Variants in GRID2 observed in about 807,000 individuals in gnomAD.
The protein encoded by GRID2 is glutamate receptor ionotropic, delta-2.
Under a neutral mutation model 114.8 loss-of-function variants are expected in GRID2, and 33 were observed. The observed-to-expected ratio is 0.29, with a 90% CI of 0.22 to 0.38. GRID2 has a LOEUF of 0.38. Among genes scored for constraint, GRID2 ranks in the 10% least tolerant of loss-of-function variants. The probability of loss-of-function intolerance (pLI) is 1.00; values close to 1 mark genes in which losing one functional copy is unlikely to be tolerated. For missense variants in GRID2, 1,184 were observed against 1,257.7 expected (o/e 0.94, Z 0.89); for synonymous variants, 505 against 449.9 (o/e 1.12, Z -1.55).
chr4:92,993,302 A>C (rs1297270209), intron 2 of GRID2, among the ~76,000 whole-genome samples: 3 of 151,890 alleles, frequency 2.0e-5, no homozygotes, highest in East Asian at 3.9e-4. Flanking sequence ...AAAAAAAAAA[A>C]ACAAAAAACT....
intron 4 of GRID2, among the ~76,000 whole-genome samples, chr4:93,165,514 TGAAAG>T (rs1738164567): frequency 6.6e-6 from 1 of 151,952 alleles, no homozygotes; most frequent in Non-Finnish European, 1.5e-5. Context: ...AGAGAGTAAA[TGAAAG>T]GAGGGAACTG....
chr4:92,838,569 G>A (rs919759468), intron 2 of GRID2, among the ~76,000 whole-genome samples: 2 of 152,010 alleles, frequency 1.3e-5, no homozygotes, highest in African/African-American at 4.8e-5. Context: ...TTTTACCTCT[G>A]TGTCTGCTAT....
intron 1 of GRID2, among the ~76,000 whole-genome samples, chr4:92,310,720 C>G (rs1035835204): frequency 4.6e-5 from 7 of 151,810 alleles, no homozygotes; most frequent in Non-Finnish European, 8.8e-5. Flanking sequence ...TTTTTATCAA[C>G]CCTAAAATAA....
intron 8 of GRID2, among the ~76,000 whole-genome samples, chr4:93,322,203 C>G (rs760581134): frequency 4.6e-5 from 7 of 152,012 alleles, no homozygotes; most frequent in African/African-American, 2.4e-5. Flanking sequence ...CCGCTTCCCC[C>G]ACCCAACAAC....
At chr4:93,626,645 G>A (rs1209399521) in intron 14 of GRID2, among the ~76,000 whole-genome samples, 1 of 152,092 alleles carries the variant, frequency 6.6e-6, no homozygotes, top group East Asian at 1.9e-4. Context: ...TAAGTAGCGG[G>A]AAAAATAATG....
chr4:93,106,874 T>C (rs1732287185), intron 3 of GRID2, among the ~76,000 whole-genome samples: 1 of 152,174 alleles, frequency 6.6e-6, no homozygotes, highest in African/African-American at 2.4e-5. Context: ...TGGTGGTCTC[T>C]TAACAAATAG....
In GRID2 at chr4:92,554,989, G is replaced by A. The variant is rs146106529; in HGVS notation, c.89-35142G>A. The stretch of plus-strand genomic sequence containing the variant: ...AAGATATTTTGCATAAGGTTAGAAT[G>A]TATTACAGTTGTTTAATAAAATTAA... On this transcript the variant is annotated intron_variant, in intron 1 of 15. Coordinates refer to ENST00000282020, the MANE Select transcript of GRID2 (RefSeq NM_001510.4). Among the ~76,000 whole-genome samples the A allele has an allele frequency of 2.8e-3, 420 of 152,260 alleles. 5 individuals are homozygous for A. The highest frequency in any genetic ancestry group is 9.5e-3 in the African/African-American group (393 of 41,552).
intron 1 of GRID2, among the ~76,000 whole-genome samples, chr4:92,319,020 G>A (rs78387178): frequency 0.012 from 1,850 of 152,142 alleles, 37 homozygotes; most frequent in African/African-American, 0.041. Flanking sequence ...GGCATATTTC[G>A]TGTTTTGAAT....
chr4:92,313,088 T>A (rs1202669961), intron 1 of GRID2, among the ~76,000 whole-genome samples: 1 of 119,040 alleles, frequency 8.4e-6, no homozygotes, highest in Non-Finnish European at 1.6e-5. Context: ...GATATGTGTG[T>A]GTGTGTGTGT....
At chr4:93,563,112 A>G (rs1408512568) in intron 13 of GRID2, among the ~76,000 whole-genome samples, 1 of 152,070 alleles carries the variant, frequency 6.6e-6, no homozygotes, top group African/African-American at 2.4e-5. Flanking sequence ...GACTAGTGAA[A>G]TAAAATTTGG....
intron 14 of GRID2, among the ~76,000 whole-genome samples, chr4:93,630,642 T>A (rs1414385920): frequency 6.6e-6 from 1 of 152,170 alleles, no homozygotes; most frequent in Admixed American, 6.6e-5. Context: ...CCAAGTTGCA[T>A]GGAGAATAAT....
chr4:92,594,528 A>G (rs373869850), intron 2 of GRID2, among the ~76,000 whole-genome samples: 2 of 151,956 alleles, frequency 1.3e-5, no homozygotes, highest in African/African-American at 4.8e-5. Flanking sequence ...AGAAAGTTTC[A>G]CGTTGCTGAA....
intron 2 of GRID2, among the ~76,000 whole-genome samples, chr4:92,820,708 A>AT (rs1560613309): frequency 2.0e-5 from 3 of 152,104 alleles, no homozygotes; most frequent in Admixed American, 6.6e-5. Flanking sequence ...TTTAGAATGC[A>AT]TTTTTTGTAC....
chr4:92,625,883 T>C (rs1416731855), intron 2 of GRID2, among the ~76,000 whole-genome samples: 3 of 151,940 alleles, frequency 2.0e-5, no homozygotes, highest in Admixed American at 6.6e-5. Flanking sequence ...CTAAAACGAT[T>C]AGCCATGTAC....
intron 2 of GRID2, among the ~76,000 whole-genome samples, chr4:92,756,143 C>A (rs2149342173): frequency 6.6e-6 from 1 of 152,252 alleles, no homozygotes; most frequent in East Asian, 1.9e-4. Context: ...CTCCTCTCTA[C>A]CTCCATGAGA....
At chr4:93,033,498 G>A (rs866066199) in intron 2 of GRID2, among the ~76,000 whole-genome samples, 1 of 152,066 alleles carries the variant, frequency 6.6e-6, no homozygotes, top group African/African-American at 2.4e-5. Flanking sequence ...CTAGAACCTC[G>A]TTGTGCAGAA....
At position 92,925,930 on chromosome 4, in the gene GRID2, A is replaced by G. The variant is rs1408603879; in HGVS notation, c.245-159065A>G. On this transcript the variant is annotated intron_variant, in intron 2 of 15. Transcript: ENST00000282020. ...GATGTAATATATAATGTAATTAAAA[A>G]GTTCCCATCATTTGTGTGTTTTTGT... is the stretch of plus-strand genomic sequence containing the variant. Among the ~76,000 whole-genome samples, 7 of 152,142 alleles carry G rather than the reference A, an allele frequency of 4.6e-5. No homozygotes were observed. In the East Asian group the frequency reaches 1.4e-3, roughly 29 times the overall value.
At chr4:92,388,881 C>A (rs1730108992) in intron 1 of GRID2, among the ~76,000 whole-genome samples, 1 of 151,940 alleles carries the variant, frequency 6.6e-6, no homozygotes, top group African/African-American at 2.4e-5. Flanking sequence ...GAAATGTTAA[C>A]AAGTGCTATG....
intron 8 of GRID2, among the ~76,000 whole-genome samples, chr4:93,314,862 A>G (rs1756417282): frequency 1.3e-5 from 2 of 151,944 alleles, no homozygotes; most frequent in African/African-American, 4.8e-5. Context: ...TTTTGGTTTT[A>G]TGACAGGATA....
Sources: gnomAD v4.1 joint callset for allele counts (sites outside exome capture counted in the v4.1 genomes callset) on GRCh38, gnomAD v4.1.1 for gene constraint, MANE v1.5 for transcripts, NCBI Gene and HGNC (gene_info 2026-07-23, HGNC 2026-07-21) for gene names.